Variants in ARHGAP40 observed in about 807,000 individuals in gnomAD.
The protein encoded by ARHGAP40 is rho GTPase-activating protein 40.
In ARHGAP40, 43 loss-of-function variants were observed where a neutral mutation model predicts 73.5. The ratio of observed to expected loss-of-function variants is 0.58; its 90% CI spans 0.46 to 0.75. ARHGAP40 has a LOEUF of 0.75. Among genes scored for constraint, ARHGAP40 ranks in the 30% least tolerant of loss-of-function variants. The pLI is 0.00. For missense variants in ARHGAP40, 734 were observed against 861.8 expected (o/e 0.85, Z 1.86); for synonymous variants, 300 against 352.8 (o/e 0.85, Z 1.68).
At chr20:38,624,875 A>G (rs1264375381) in intron 2 of ARHGAP40, among the ~76,000 whole-genome samples, 1 of 152,242 alleles carries the variant, frequency 6.6e-6, no homozygotes, top group Non-Finnish European at 1.5e-5. Context: ...TTCACTGTGC[A>G]TGTGTCTGTG....
Position 38,615,162 on chromosome 20 carries a change from G to A in ARHGAP40, c.138-8197G>A, listed in dbSNP as rs1050939008. The A allele has an allele frequency of 6.5e-6, 6 of 928,492 alleles. No homozygotes were observed. The East Asian group carries it at 1.4e-4, about 22-fold the overall frequency. The allele number at this position is 928,492 out of a possible 1,614,324, so 57.5% of individuals were successfully genotyped here. A position where few individuals can be genotyped will look rare whatever the true frequency, so the allele number is the denominator to read the frequency against. On this transcript the variant is annotated intron_variant, in intron 1 of 14. Coordinates refer to ENST00000373345, the Ensembl canonical transcript of ARHGAP40. ...GTCTGCCTTCGGGATGTTGTCTGAA[G>A]CATGATTTAATGGGAGCTTGGTAAG...
rs764906068 is a variant in ARHGAP40, at chr20:38,615,447, A to G, written c.138-7912A>G. 4 of 707,750 alleles carry G rather than the reference A, an allele frequency of 5.7e-6. No individual in the cohort carries two copies. In the Admixed American group the frequency reaches 6.1e-5, roughly 11 times the overall value. The allele number at this position is 707,750 out of a possible 1,614,324, so 43.8% of individuals were successfully genotyped here. A position where few individuals can be genotyped will look rare whatever the true frequency, so the allele number is the denominator to read the frequency against. ...GGATAATGGTAACCAGCTCCTTCTC[A>G]GCCAGGAACTCGACCTCGGCCACGT... is the stretch of plus-strand genomic sequence containing the variant. On this transcript the variant is annotated intron_variant, in intron 1 of 14. Coordinates refer to ENST00000373345, the Ensembl canonical transcript of ARHGAP40.
At position 38,603,965 on chromosome 20, in the gene ARHGAP40, A is replaced by G. The variant is rs113792061; in HGVS notation, c.137+1886A>G. Among the ~76,000 whole-genome samples, 677 of 152,328 alleles carry G rather than the reference A, an allele frequency of 4.4e-3. 5 individuals carry two copies. Among genetic ancestry groups the G allele is most frequent in the African/African-American group, 0.015 (644 of 41,580 alleles). On this transcript the variant is annotated intron_variant, in intron 1 of 14. Transcript: ENST00000373345. ...TGTGATGACATTGGGCCCACTGGCT[A>G]ATCCAGGATCGTCCCCCCAACTCAA... is the stretch of plus-strand genomic sequence containing the variant.
At chr20:38,619,146 C>T (rs552391042) in intron 1 of ARHGAP40, among the ~76,000 whole-genome samples, 1 of 152,262 alleles carries the variant, frequency 6.6e-6, no homozygotes, top group South Asian at 2.1e-4. Flanking sequence ...ACAGGACATT[C>T]CAGGCAGAGG....
chr20:38,638,909 G>A (rs1347336752), intron 8 of ARHGAP40, 71 bp downstream of exon 8: 2 of 1,242,014 alleles, frequency 1.6e-6, no homozygotes, highest in Non-Finnish European at 1.1e-6. Flanking sequence ...TAAGCCGGGA[G>A]GGAAACCAGT....
intron 1 of ARHGAP40, among the ~76,000 whole-genome samples, chr20:38,603,371 T>C (rs1262618377): frequency 6.6e-6 from 1 of 152,214 alleles, no homozygotes; most frequent in Non-Finnish European, 1.5e-5. Flanking sequence ...TTAATAAGAA[T>C]CAATTTTAAG....
rs1043561170 is a variant in ARHGAP40 at position 38,615,139 on chromosome 20, C to T, written c.138-8220C>T. The T allele has an allele frequency of 6.2e-6, 6 of 961,112 alleles. No individual in the cohort carries two copies. The Admixed American group carries it at 1.0e-4, about 16-fold the overall frequency. The allele number at this position is 961,112 out of a possible 1,614,324, so 59.5% of individuals were successfully genotyped here. The stretch of plus-strand genomic sequence containing the variant: ...TCCTTGACCAGGGTCCGGATTTCGT[C>T]TGCCTTCGGGATGTTGTCTGAAGCA... On this transcript the variant is annotated intron_variant, in intron 1 of 14. Transcript: ENST00000373345.
At chr20:38,607,369 A>G (rs536291266) in intron 1 of ARHGAP40, among the ~76,000 whole-genome samples, 1 of 152,110 alleles carries the variant, frequency 6.6e-6, no homozygotes, top group Non-Finnish European at 1.5e-5. Flanking sequence ...CGGAACGGCC[A>G]CCTCAGATCC....
At chr20:38,603,670 C>T (rs907576269) in intron 1 of ARHGAP40, among the ~76,000 whole-genome samples, 1 of 152,168 alleles carries the variant, frequency 6.6e-6, no homozygotes, top group African/African-American at 2.4e-5. Context: ...CTTAAAACGA[C>T]ACAAATGTGT....
chr20:38,627,209 T>C (rs1325131108), exon 3 of ARHGAP40: 4 of 1,305,322 alleles, frequency 3.1e-6, no homozygotes, highest in Non-Finnish European at 4.0e-6. Context: ...GGGTCTTCAA[T>C]TCAGGGGTAA....
At chr20:38,650,366 T>C (rs891826389) in exon 15 of ARHGAP40, 25 of 471,294 alleles carry the variant, frequency 5.3e-5, no homozygotes, top group Non-Finnish European at 7.9e-5. Flanking sequence ...AAAGTGGCCC[T>C]ACAATGTGTA....
intron 2 of ARHGAP40, among the ~76,000 whole-genome samples, chr20:38,625,743 A>G (rs1194803930): frequency 6.6e-6 from 1 of 152,154 alleles, no homozygotes; most frequent in Non-Finnish European, 1.5e-5. Context: ...TTCGGACACC[A>G]ACTTGAACCA....
At chr20:38,638,664 C>T in intron 7 of ARHGAP40, 97 bp from the exon 8 acceptor site, 2 of 877,256 alleles carry the variant, frequency 2.3e-6, no homozygotes, top group South Asian at 2.9e-5. Flanking sequence ...TCTCCTGGTA[C>T]TCCCCTCTTT....
At chr20:38,601,867 C>G (rs1368980365) in exon 1 of ARHGAP40, 1 of 1,280,378 alleles carries the variant, frequency 7.8e-7, no homozygotes, top group African/African-American at 1.5e-5. Flanking sequence ...CCTCACTCCT[C>G]CCTCTCACAT....
At chr20:38,610,795 C>A (rs2088799846) in intron 1 of ARHGAP40, among the ~76,000 whole-genome samples, 1 of 151,882 alleles carries the variant, frequency 6.6e-6, no homozygotes, top group Non-Finnish European at 1.5e-5. Context: ...GTGAGTTCAC[C>A]TTTGTCTGGC....
intron 1 of ARHGAP40, chr20:38,615,220 TA>T: frequency 2.6e-6 from 2 of 777,922 alleles, no homozygotes; most frequent in South Asian, 1.4e-5. Flanking sequence ...GGCATTGAGG[TA>T]AAAAAGTTTC....
At chr20:38,622,254 A>G (rs143437633) in intron 1 of ARHGAP40, among the ~76,000 whole-genome samples, 2,724 of 152,274 alleles carry the variant, frequency 0.018, 26 homozygotes, top group Middle Eastern at 0.031. Flanking sequence ...TTAAATATCT[A>G]TAGAACTTGC....
chr20:38,618,681 G>A (rs575557428), intron 1 of ARHGAP40, among the ~76,000 whole-genome samples: 4 of 152,184 alleles, frequency 2.6e-5, no homozygotes, highest in South Asian at 2.1e-4. Context: ...GGTGAGGTTC[G>A]GCTAGGGCTG....
At position 38,649,617 on chromosome 20, in the gene ARHGAP40, CA is replaced by C. The variant is rs1601154336; in HGVS notation, c.1937-136del. The stretch of plus-strand genomic sequence containing the variant: ...CCCTCAGCGGAGCTCAGTTCTCCAG[CA>C]AAAGAAGTAGCTGTGAGCTGTAGCA... On this transcript the variant is annotated intron_variant, in intron 14 of 14. Coordinates refer to ENST00000373345, the Ensembl canonical transcript of ARHGAP40. 1.4e-5 allele frequency: 6 copies of C among 429,086 alleles called. No homozygotes were observed. In the East Asian group the frequency reaches 4.6e-4, roughly 33 times the overall value. 26.6% of individuals were successfully genotyped at this position (429,086 alleles called of 1,614,324 possible). A position where few individuals can be genotyped will look rare whatever the true frequency, so the allele number is the denominator to read the frequency against.
Sources: gnomAD v4.1 joint callset for allele counts (sites outside exome capture counted in the v4.1 genomes callset) on GRCh38, gnomAD v4.1.1 for gene constraint, MANE v1.5 for transcripts, NCBI Gene and HGNC (gene_info 2026-07-23, HGNC 2026-07-21) for gene names.